OPCML: variants seen among roughly 807,000 people sequenced by gnomAD.
OPCML encodes opioid binding protein/cell adhesion molecule like.
In OPCML, 13 loss-of-function variants were observed where a neutral mutation model predicts 37.8. The observed-to-expected ratio is 0.34, with a 90% confidence interval of 0.22 to 0.55. The LOEUF (loss-of-function observed/expected upper bound fraction) is 0.55, where lower values mean the gene tolerates loss of function less well. OPCML is among the 20% of genes least tolerant of loss of function. The pLI is 0.91. For missense variants in OPCML, 341 were observed against 435.6 expected (o/e 0.78, Z 1.93); for synonymous variants, 176 against 168.8 (o/e 1.04, Z -0.33).
chr11:133,474,561 G>A (rs1397322383), intron 1 of OPCML, among the ~76,000 whole-genome samples: 2 of 152,178 alleles, frequency 1.3e-5, no homozygotes, highest in African/African-American at 4.8e-5. Context: ...AAATCATAGG[G>A]TGCTGTGGAA....
At chr11:132,678,772 T>A (rs1942817632) in intron 2 of OPCML, among the ~76,000 whole-genome samples, 1 of 152,168 alleles carries the variant, frequency 6.6e-6, no homozygotes, top group Non-Finnish European at 1.5e-5. Context: ...ACAGGATAGT[T>A]GAACTACTCT....
chr11:132,501,656 C>T (rs929155940), intron 4 of OPCML, among the ~76,000 whole-genome samples: 1 of 152,182 alleles, frequency 6.6e-6, no homozygotes. Context: ...TGCACTAACT[C>T]CTAACGTGGG....
chr11:133,222,101 G>T lies in OPCML; in HGVS notation c.62-279091C>A, dbSNP rs150945505. On this transcript the variant is annotated intron_variant, in intron 1 of 7. Coordinates refer to ENST00000524381, the MANE Select transcript of OPCML (RefSeq NM_001012393.5). ...AATCTATGCCCTGTAGTCACTGTGT[G>T]CCCAGCAGGACCAGATGCTCAAGGA... Among the ~76,000 whole-genome samples the T allele has an allele frequency of 6.7e-3, 1,018 of 152,290 alleles. 7 individuals carry two copies. The highest frequency in any genetic ancestry group is 0.023 in the African/African-American group (966 of 41,568).
At chr11:132,693,757 G>A (rs1943493745) in intron 2 of OPCML, among the ~76,000 whole-genome samples, 1 of 152,106 alleles carries the variant, frequency 6.6e-6, no homozygotes, top group Admixed American at 6.5e-5. Flanking sequence ...TTTCCTTCTT[G>A]TTAAGGTTTG....
chr11:133,478,656 C>T (rs1033659088), intron 1 of OPCML, among the ~76,000 whole-genome samples: 3 of 152,198 alleles, frequency 2.0e-5, no homozygotes, highest in Admixed American at 6.5e-5. Flanking sequence ...GGATCTACTT[C>T]CTTTGAAAGG....
chr11:133,528,884 C>T (rs993985227), intron 1 of OPCML, among the ~76,000 whole-genome samples: 3 of 152,132 alleles, frequency 2.0e-5, no homozygotes, highest in African/African-American at 4.8e-5. Context: ...AAGAAGGGGA[C>T]AAACAGGAAG....
chr11:133,363,080 G>A (rs1944459650), intron 1 of OPCML, among the ~76,000 whole-genome samples: 1 of 152,294 alleles, frequency 6.6e-6, no homozygotes, highest in South Asian at 2.1e-4. Flanking sequence ...CTGCCCCATG[G>A]AAGGACCGTT....
chr11:133,055,214 G>C (rs12421089), intron 1 of OPCML, among the ~76,000 whole-genome samples: 1 of 74,568 alleles, frequency 1.3e-5, no homozygotes, highest in Admixed American at 1.4e-4. Flanking sequence ...GACTCCATGA[G>C]GGAGCCACCT....
intron 2 of OPCML, among the ~76,000 whole-genome samples, chr11:132,767,568 G>A (rs1048703390): frequency 6.6e-6 from 1 of 152,140 alleles, no homozygotes; most frequent in Non-Finnish European, 1.5e-5. Flanking sequence ...TGAATTCCCA[G>A]TCTATGCCAT....
intron 1 of OPCML, among the ~76,000 whole-genome samples, chr11:133,124,257 G>T (rs1294986527): frequency 2.6e-5 from 4 of 152,144 alleles, no homozygotes; most frequent in Non-Finnish European, 5.9e-5. Context: ...AGGTTAAGCA[G>T]TCTGACATTT....
At chr11:133,158,085 A>C (rs1407230834) in intron 1 of OPCML, among the ~76,000 whole-genome samples, 4 of 152,150 alleles carry the variant, frequency 2.6e-5, no homozygotes, top group Admixed American at 6.5e-5. Context: ...CTCTGGAAAA[A>C]GATAAGGGTG....
intron 3 of OPCML, among the ~76,000 whole-genome samples, chr11:132,630,491 T>A (rs1940032238): frequency 6.6e-6 from 1 of 152,168 alleles, no homozygotes; most frequent in African/African-American, 2.4e-5. Context: ...AGAATGTATT[T>A]GTTAAATTGA....
At chr11:133,060,238 TCAGGATTCA>T (rs1401997043) in intron 1 of OPCML, among the ~76,000 whole-genome samples, 1 of 132,796 alleles carries the variant, frequency 7.5e-6, no homozygotes, top group Non-Finnish European at 1.6e-5. Context: ...CCCCATCCCC[TCAGGATTCA>T]CAGCTTCTAA....
intron 3 of OPCML, among the ~76,000 whole-genome samples, chr11:132,632,334 ATAT>A (rs1940200614): frequency 6.6e-6 from 1 of 150,574 alleles, no homozygotes; most frequent in Non-Finnish European, 1.5e-5. Flanking sequence ...CATTTAAATA[ATAT>A]TATGATTTAA....
At chr11:133,510,397 A>G (rs1397908074) in intron 1 of OPCML, among the ~76,000 whole-genome samples, 2 of 152,178 alleles carry the variant, frequency 1.3e-5, no homozygotes, top group Non-Finnish European at 2.9e-5. Flanking sequence ...TGATTAAATC[A>G]GTTTACTTCC....
chr11:133,406,058 A>G (rs1313705744), intron 1 of OPCML, among the ~76,000 whole-genome samples: 1 of 152,052 alleles, frequency 6.6e-6, no homozygotes, highest in Non-Finnish European at 1.5e-5. Context: ...CTGGGTACGG[A>G]CTGTGTCTAA....
Position 132,645,127 on chromosome 11 carries a change from G to A in OPCML, c.379+11960C>T, listed in dbSNP as rs1050637319. On this transcript the variant is annotated intron_variant, in intron 3 of 7. Coordinates refer to ENST00000524381, the MANE Select transcript of OPCML (RefSeq NM_001012393.5). ...TTGTTTAGGGGTGATTTTTGACACC[G>A]CTAAAGCAAAGTGACTGTGTTAGAA... Among the ~76,000 whole-genome samples the A allele has an allele frequency of 1.2e-4, 18 of 152,158 alleles. No individual in the cohort carries two copies. In the South Asian group the frequency reaches 1.2e-3, roughly 11 times the overall value.
At chr11:133,115,601 C>A (rs562657056) in intron 1 of OPCML, among the ~76,000 whole-genome samples, 1 of 152,246 alleles carries the variant, frequency 6.6e-6, no homozygotes, top group African/African-American at 2.4e-5. Flanking sequence ...TTGGGAAATA[C>A]TCCATTTCCC....
chr11:132,618,590 T>C (rs1264414753), intron 3 of OPCML, among the ~76,000 whole-genome samples: 3 of 152,208 alleles, frequency 2.0e-5, no homozygotes, highest in Admixed American at 2.0e-4. Context: ...GTGAACTAGA[T>C]TGTTCACACT....
Sources: allele counts gnomAD v4.1 joint callset (sites outside exome capture counted in the v4.1 genomes callset), GRCh38; gene constraint gnomAD v4.1.1; transcripts MANE v1.5; gene names NCBI Gene and HGNC (gene_info 2026-07-23, HGNC 2026-07-21).